The following ANKRD35 variants were observed in gnomAD, a reference collection of about 807,000 sequenced individuals.
ANKRD35 encodes the protein ankyrin repeat domain 35.
In ANKRD35, 102 loss-of-function variants were observed where a neutral mutation model predicts 109.9. The observed-to-expected ratio is 0.93, with a 90% CI of 0.79 to 1.09. The LOEUF (loss-of-function observed/expected upper bound fraction) is 1.09, where lower values mean the gene tolerates loss of function less well. Ranked by LOEUF, ANKRD35 falls within the 50% of genes least tolerant of loss-of-function variation. The probability of loss-of-function intolerance (pLI) is 0.00; values close to 1 mark genes in which losing one functional copy is unlikely to be tolerated. For synonymous variants in ANKRD35, 515 were observed against 512.4 expected (o/e 1.01, Z -0.07); for missense variants, 1,240 against 1,230.1 (o/e 1.01, Z -0.12).
rs1553739742 is a variant in ANKRD35 at position 145,874,842 on chromosome 1, A to T, written c.725T>A (p.Leu242Gln). The T allele has an allele frequency of 1.9e-6, 3 of 1,599,670 alleles. No homozygotes were observed. The South Asian group carries it at 3.4e-5, about 18-fold the overall frequency. Reference protein sequence around the residue: ...KALWRHLQQALSRRRRGGQRL... With the variant: ...KALWRHLQQAQSRRRRGGQRL... ...TTTACCGCCCCGCCGCCGCCGGCTC[A>T]GGGCCTGCTGTAGGTGCCTCCACAG... is the stretch of plus-strand genomic sequence containing the variant. Residue 242 changes from leucine (L) to glutamine (Q), a missense_variant, in exon 8 of 14, where the codon CTG becomes CAG. By Grantham distance (113) the Leu-to-Gln change is moderately radical. Transcript: ENST00000355594.
chr1:145,869,605 G>C (rs1653734675), intron 10 of ANKRD35, among the ~76,000 whole-genome samples: 1 of 151,938 alleles, frequency 6.6e-6, no homozygotes, highest in South Asian at 2.1e-4. Flanking sequence ...AGTAGCACAG[G>C]AACAGGCACA....
In ANKRD35 at chr1:145,872,971, C is replaced by T; in HGVS notation, c.1798G>A (p.Gly600Arg). 6.2e-7 allele frequency: 1 copy of T among 1,609,854 alleles called. No individual in the cohort carries two copies. ...GAQGEPLGALGGEKALGGLAK... is the reference protein window; with the variant it reads ...GAQGEPLGALRGEKALGGLAK... The stretch of plus-strand genomic sequence containing the variant: ...AGGCCTCCTAGGGCCTTTTCCCCTC[C>T]AAGGGCCCCTAGAGGCTCTCCTTGA... Residue 600 changes from glycine to arginine, a missense_variant, in exon 10 of 14, where the codon GGA (glycine) becomes AGA (arginine). Gly to Arg is a moderately radical substitution (Grantham distance 125, BLOSUM62 -2). Transcript: ENST00000355594.
Position 145,868,469 on chromosome 1 carries a change from C to A in ANKRD35, c.2788-69G>T, listed in dbSNP as rs1262001544. On this transcript the variant is annotated intron_variant, in intron 10 of 13. Transcript: ENST00000355594. ...TTTCTCCCACAAGGGTCAAGGTCAG[C>A]TTCCTTTTACTGAGTATTTAATATG... 6.8e-6 allele frequency: 9 copies of A among 1,327,694 alleles called. No homozygotes were observed. The East Asian group carries it at 2.1e-4, about 31-fold the overall frequency. The allele number at this position is 1,327,694 out of a possible 1,614,324, so 82.2% of individuals were successfully genotyped here. A position where few individuals can be genotyped will look rare whatever the true frequency, so the allele number is the denominator to read the frequency against.
chr1:145,876,135 C>A lies in ANKRD35; in HGVS notation c.560+5G>T. The A allele has an allele frequency of 6.2e-7, 1 of 1,613,310 alleles. No homozygotes were observed. The highest frequency in any genetic ancestry group is 8.5e-7 in the Non-Finnish European group (1 of 1,179,722). The stretch of plus-strand genomic sequence containing the variant: ...AATTGGGGTGCATAGACGAGGGGGG[C>A]TCACTTGTCATTCTTGTCTGTAACA... On this transcript the variant is annotated splice_donor_5th_base_variant and intron_variant, in intron 7 of 13. Coordinates refer to ENST00000355594, the MANE Select transcript of ANKRD35 (RefSeq NM_144698.5).
intron 1 of ANKRD35, among the ~76,000 whole-genome samples, chr1:145,880,984 G>A (rs1654265516): frequency 6.6e-6 from 1 of 152,206 alleles, no homozygotes; most frequent in East Asian, 1.9e-4. Flanking sequence ...TGGCAAAATT[G>A]GAATTAGAAT....
intron 1 of ANKRD35, among the ~76,000 whole-genome samples, chr1:145,882,156 A>G (rs372952305): frequency 1.4e-4 from 21 of 151,510 alleles, no homozygotes; most frequent in Non-Finnish European, 2.2e-4. Context: ...GGGTTTCACC[A>G]TGTTAGCCAG....
chr1:145,868,144 AG>A, intron 11 of ANKRD35, 88 bp from the exon 12 acceptor site: 1 of 1,509,160 alleles, frequency 6.6e-7, no homozygotes, highest in Non-Finnish European at 9.2e-7. Context: ...CAGCAGTACC[AG>A]GTGGGCTCGT....
chr1:145,875,133 A>G, intron 7 of ANKRD35, 127 bp from the exon 8 acceptor site: 2 of 817,074 alleles, frequency 2.4e-6, no homozygotes, highest in South Asian at 5.0e-5. Flanking sequence ...CCAACATTAG[A>G]CCAGACTAGA....
Position 145,873,739 on chromosome 1 carries a change from G to T in ANKRD35, c.1030C>A (p.Leu344Ile), listed in dbSNP as rs1195144993. The change falls in exon 10 of 14, where the codon CTA becomes ATA. Residue 344 changes from leucine to isoleucine, a missense_variant. Transcript: ENST00000355594. Reference sequence around the variant, plus strand: ...GGCTCCCAGGATAGGAGGACCCCTAGCTCCTGCGCCTGCTCTCGAATCTGG... The same window carrying T: ...GGCTCCCAGGATAGGAGGACCCCTATCTCCTGCGCCTGCTCTCGAATCTGG... Reference protein sequence around the residue: ...ENQIREQAQELGVLLSWEPRA... With the variant: ...ENQIREQAQEIGVLLSWEPRA... 1.2e-6 allele frequency: 2 copies of T among 1,613,626 alleles called. No individual in the cohort carries two copies. Among genetic ancestry groups the T allele is most frequent in the Admixed American group, 3.3e-5 (2 of 59,894 alleles).
chr1:145,884,639 T>G (rs1024674810), intron 1 of ANKRD35, among the ~76,000 whole-genome samples: 4 of 136,100 alleles, frequency 2.9e-5, no homozygotes, highest in African/African-American at 6.7e-5. Context: ...TAATCTTATG[T>G]TTTTTTTTTT....
In ANKRD35 at chr1:145,879,281, C is replaced by A. The variant is rs782479053; in HGVS notation, c.147G>T (p.Lys49Asn). 22 of 1,610,762 alleles carry A rather than the reference C, an allele frequency of 1.4e-5. No homozygotes were observed. In the South Asian group the frequency reaches 2.2e-4, roughly 16 times the overall value. ...LASRKSARPT[K>N]LDSNGQSPFH... ...ACGGGGACTGGCCATTCGAGTCAAGCTTGGTGGGTCGGGCAGATTTCCTGG... is the reference window on the plus strand; with the variant it reads ...ACGGGGACTGGCCATTCGAGTCAAGATTGGTGGGTCGGGCAGATTTCCTGG... Residue 49 changes from lysine to asparagine, a missense_variant, in exon 2 of 14, where the codon AAG (lysine) becomes AAT (asparagine). By Grantham distance (94) the Lys-to-Asn change is moderately conservative. Coordinates refer to ENST00000355594, the MANE Select transcript of ANKRD35 (RefSeq NM_144698.5).
intron 6 of ANKRD35, 57 bp from the exon 7 acceptor site, chr1:145,876,303 A>G (rs1654071987): frequency 2.0e-6 from 3 of 1,522,282 alleles, no homozygotes; most frequent in African/African-American, 1.4e-5. Context: ...AGGCTTGACA[A>G]TCCTACCGGC....
rs1553739539 is a variant in ANKRD35, at chr1:145,873,881, C to A, written c.888G>T (p.Glu296Asp). ...CCTCTTCATACTTCCACCTCCACTC[C>A]TCCGAGCACGGGTCTTCATCCTCCT... is the stretch of plus-strand genomic sequence containing the variant. ...EEKEDEDPCS[E>D]EWRWKYEEER... Residue 296 changes from glutamate (E) to aspartate (D), a missense_variant, in exon 10 of 14, where the codon GAG (glutamate) becomes GAT (aspartate). Glu to Asp is a conservative substitution (Grantham distance 45). Coordinates refer to ENST00000355594, the MANE Select transcript of ANKRD35 (RefSeq NM_144698.5). 6.2e-7 allele frequency: 1 copy of A among 1,614,144 alleles called. No individual in the cohort carries two copies. The highest frequency in any genetic ancestry group is 1.7e-5 in the Admixed American group (1 of 59,998).
Position 145,874,971 on chromosome 1 carries a change from G to T in ANKRD35, c.596C>A (p.Ala199Asp). The change falls in exon 8 of 14, where the codon GCC becomes GAC. Residue 199 changes from alanine to aspartate, a missense_variant. Ala to Asp is a moderately radical substitution (Grantham distance 126, BLOSUM62 -2). Coordinates refer to ENST00000355594, the MANE Select transcript of ANKRD35 (RefSeq NM_144698.5). Reference sequence around the variant, plus strand: ...GCTCAGGAGCAGTTCAGCCACCTCGGCACTGCCTTTCTCACAGGCCAGGAT... The same window carrying T: ...GCTCAGGAGCAGTTCAGCCACCTCGTCACTGCCTTTCTCACAGGCCAGGAT... Reference protein sequence around the residue: ...ALILACEKGSAEVAELLLSHG... With the variant: ...ALILACEKGSDEVAELLLSHG... The T allele has an allele frequency of 6.2e-7, 1 of 1,611,496 alleles. No individual in the cohort carries two copies. Among genetic ancestry groups the T allele is most frequent in the South Asian group, 1.1e-5 (1 of 90,486 alleles).
intron 1 of ANKRD35, among the ~76,000 whole-genome samples, chr1:145,880,189 GGT>G (rs1654235746): frequency 6.6e-6 from 1 of 152,118 alleles, no homozygotes; most frequent in Non-Finnish European, 1.5e-5. Context: ...TTCCAGCTTG[GGT>G]TTTGTGGGTG....
At chr1:145,875,145 TTC>T in intron 7 of ANKRD35, 139 bp from the exon 8 acceptor site, 1 of 728,498 alleles carries the variant, frequency 1.4e-6, no homozygotes, top group Non-Finnish European at 2.1e-6. Context: ...CAGACTAGAC[TTC>T]TCTTTTTTTT....
chr1:145,875,857 G>A lies in ANKRD35; in HGVS notation c.560+283C>T, dbSNP rs928954043. Among the ~76,000 whole-genome samples, 7 of 152,312 alleles carry A rather than the reference G, an allele frequency of 4.6e-5. No homozygotes were observed. The South Asian group carries it at 1.2e-3, about 27-fold the overall frequency. On this transcript the variant is annotated intron_variant, in intron 7 of 13. Transcript: ENST00000355594. ...TACATACATTTTTTATTGGAAAAAA[G>A]GATCCTCTTGCATAAAAGATAATTT...
Position 145,873,387 on chromosome 1 carries a change from G to A in ANKRD35, c.1382C>T (p.Pro461Leu). Residue 461 changes from proline to leucine, a missense_variant, in exon 10 of 14, where the codon CCT becomes CTT. Physicochemically the swap from Pro to Leu is moderately conservative, Grantham distance 98. Transcript: ENST00000355594. ...TFGPDHADQL[P>L]AGQKESSQVL... ...CTGGGAACTCTCCTTCTGACCAGCA[G>A]GCAGCTGGTCAGCATGATCAGGGCC... 6.2e-7 allele frequency: 1 copy of A among 1,614,188 alleles called. No homozygotes were observed. The highest frequency in any genetic ancestry group is 8.5e-7 in the Non-Finnish European group (1 of 1,180,038).
intron 1 of ANKRD35, among the ~76,000 whole-genome samples, chr1:145,885,389 G>T (rs781845155): frequency 2.0e-5 from 3 of 152,008 alleles, no homozygotes; most frequent in Non-Finnish European, 4.4e-5. Flanking sequence ...GGGAGGTTTG[G>T]TACTGGGAGA....
Sources: allele counts gnomAD v4.1 joint callset (sites outside exome capture counted in the v4.1 genomes callset), GRCh38; gene constraint gnomAD v4.1.1; transcripts MANE v1.5; gene names NCBI Gene and HGNC (gene_info 2026-07-23, HGNC 2026-07-21).